Variants in MGAT5 observed in about 807,000 individuals in gnomAD.
The protein encoded by MGAT5 is alpha-1,6-mannosylglycoprotein 6-beta-N-acetylglucosaminyltransferase.
In MGAT5, 30 loss-of-function variants were observed where a neutral mutation model predicts 94.3. The ratio of observed to expected loss-of-function variants is 0.32; its 90% CI spans 0.24 to 0.43. The LOEUF is 0.43. MGAT5 is among the 20% of genes least tolerant of loss of function. The pLI is 1.00. For missense variants in MGAT5, 691 were observed against 905.5 expected, an observed-to-expected ratio of 0.76 and a Z score of 3.04; for synonymous variants, 310 against 322.9, an observed-to-expected ratio of 0.96 and a Z score of 0.43.
At chr2:134,251,353 G>A (rs1025102713), upstream of MGAT5, among the ~76,000 whole-genome samples, 8 of 152,184 alleles carry the variant, frequency 5.3e-5, no homozygotes, top group African/African-American at 9.6e-5. Flanking sequence ...TAGACTTGGC[G>A]CGGAGCGGAG....
chr2:134,447,936 TG>T (rs937617276), intron 15 of MGAT5, among the ~76,000 whole-genome samples: 50 of 152,208 alleles, frequency 3.3e-4, no homozygotes, highest in African/African-American at 1.2e-3. Context: ...TTCCTCTAAC[TG>T]GGGTTACCAT....
At chr2:134,206,665 G>T (rs956166953) in intron 1 of MGAT5, among the ~76,000 whole-genome samples, 21 of 152,160 alleles carry the variant, frequency 1.4e-4, no homozygotes. Context: ...ATCGTGGATT[G>T]TCAAGATGGG....
intron 10 of MGAT5, among the ~76,000 whole-genome samples, chr2:134,387,330 A>ATTTTTTTTTTTTTTT (rs1273275881): frequency 2.5e-5 from 1 of 39,376 alleles, no homozygotes; most frequent in African/African-American, 1.5e-4. Context: ...ATATATATAT[A>ATTTTTTTTTTTTTTT]TATTTTTTTT....
chr2:134,385,467 G>T (rs1681914656), intron 10 of MGAT5, among the ~76,000 whole-genome samples: 1 of 152,194 alleles, frequency 6.6e-6, no homozygotes, highest in Non-Finnish European at 1.5e-5. Context: ...AAGAATAAAA[G>T]TGTGACTAGA....
chr2:134,120,462 C>A (rs1338190875), intron 1 of MGAT5, among the ~76,000 whole-genome samples: 1 of 151,758 alleles, frequency 6.6e-6, no homozygotes, highest in African/African-American at 2.4e-5. Context: ...CTGCCGCCTG[C>A]GTGGGTGCCC....
rs199616390 is a variant in MGAT5, at chr2:134,399,821, GACCAAAGT to G, written c.1381-3165_1381-3158del. ...GGTCACCTTCACCCTGGGCCTGGATGACCAAAGTAAGGGAAGGGAAGGGGGAGTGTATG... is the reference window on the plus strand; with the variant it reads ...GGTCACCTTCACCCTGGGCCTGGATGAAGGGAAGGGAAGGGGGAGTGTATG... On this transcript the variant is annotated intron_variant, in intron 10 of 15. Coordinates refer to ENST00000281923, the MANE Select transcript of MGAT5 (RefSeq NM_002410.5). Among the ~76,000 whole-genome samples the G allele has an allele frequency of 5.3e-3, 813 of 152,284 alleles. 11 individuals are homozygous for G. Among genetic ancestry groups the G allele is most frequent in the African/African-American group, 0.018 (768 of 41,562 alleles).
intron 15 of MGAT5, among the ~76,000 whole-genome samples, chr2:134,446,378 G>C (rs1043121605): frequency 6.7e-4 from 102 of 152,106 alleles, no homozygotes; most frequent in African/African-American, 2.3e-3. Flanking sequence ...CTATGCTCTG[G>C]TTAGCAGTGT....
intron 8 of MGAT5, among the ~76,000 whole-genome samples, chr2:134,346,587 CT>C (rs1688936485): frequency 6.6e-6 from 1 of 151,936 alleles, no homozygotes; most frequent in Non-Finnish European, 1.5e-5. Context: ...AAAATTTTCC[CT>C]TTTAAAAATC....
chr2:134,423,550 C>G (rs1208789980), intron 13 of MGAT5, among the ~76,000 whole-genome samples: 1 of 152,096 alleles, frequency 6.6e-6, no homozygotes, highest in East Asian at 1.9e-4. Flanking sequence ...ATCCTTTCTC[C>G]CAACTCGGAG....
intron 1 of MGAT5, among the ~76,000 whole-genome samples, chr2:134,208,263 ATTTAT>A (rs958107977): frequency 6.6e-6 from 1 of 152,096 alleles, no homozygotes; most frequent in Non-Finnish European, 1.5e-5. Context: ...GCATCAACTC[ATTTAT>A]TTTAATTTGG....
chr2:134,448,289 C>A (rs1443968658), intron 15 of MGAT5, among the ~76,000 whole-genome samples: 1 of 152,176 alleles, frequency 6.6e-6, no homozygotes, highest in East Asian at 1.9e-4. Context: ...CTCCCTCATT[C>A]TTTTTCAACA....
At chr2:134,170,434 G>T (rs770073607) in intron 1 of MGAT5, among the ~76,000 whole-genome samples, 1 of 152,206 alleles carries the variant, frequency 6.6e-6, no homozygotes, top group Admixed American at 6.5e-5. Context: ...ATGACTGTGG[G>T]TTGAGCCTGT....
At chr2:134,444,743 T>C (rs1318973840) in intron 15 of MGAT5, among the ~76,000 whole-genome samples, 2 of 152,248 alleles carry the variant, frequency 1.3e-5, no homozygotes, top group African/African-American at 4.8e-5. Context: ...AGTATGACTT[T>C]AGTATATCAC....
At chr2:134,420,114 T>C (rs1684213905) in intron 12 of MGAT5, among the ~76,000 whole-genome samples, 2 of 152,178 alleles carry the variant, frequency 1.3e-5, no homozygotes, top group South Asian at 4.1e-4. Context: ...AGCTAAGAAG[T>C]TGTTGAAGGA....
intron 12 of MGAT5, among the ~76,000 whole-genome samples, chr2:134,417,613 C>T (rs1035938355): frequency 6.6e-6 from 1 of 152,032 alleles, no homozygotes; most frequent in African/African-American, 2.4e-5. Flanking sequence ...AAGTGATGTA[C>T]CTTTCTCAGC....
chr2:134,303,182 T>C (rs1686132901), intron 2 of MGAT5, among the ~76,000 whole-genome samples: 1 of 152,184 alleles, frequency 6.6e-6, no homozygotes, highest in African/African-American at 2.4e-5. Context: ...TTTACTGATC[T>C]TTTATTCACT....
intron 1 of MGAT5, among the ~76,000 whole-genome samples, chr2:134,264,760 G>A (rs1683586418): frequency 6.6e-6 from 1 of 152,122 alleles, no homozygotes; most frequent in Non-Finnish European, 1.5e-5. Flanking sequence ...TTTTTCAATA[G>A]CACCTTCCTT....
chr2:134,440,248 A>G (rs904364125), intron 14 of MGAT5, among the ~76,000 whole-genome samples: 4 of 152,160 alleles, frequency 2.6e-5, no homozygotes, highest in African/African-American at 9.7e-5. Flanking sequence ...TTAGACTTCT[A>G]TTTCTCCAGT....
At chr2:134,390,669 G>T (rs565287978) in intron 10 of MGAT5, among the ~76,000 whole-genome samples, 1 of 152,288 alleles carries the variant, frequency 6.6e-6, no homozygotes, top group East Asian at 1.9e-4. Context: ...TTTCATGGAG[G>T]AGTCTGTCTT....
Sources: allele counts gnomAD v4.1 joint callset (sites outside exome capture counted in the v4.1 genomes callset), GRCh38; gene constraint gnomAD v4.1.1; transcripts MANE v1.5; gene names NCBI Gene and HGNC (gene_info 2026-07-23, HGNC 2026-07-21).